Variants in GPC6 observed in about 807,000 individuals in gnomAD.
GPC6 encodes glypican-6.
Under a neutral mutation model 55.2 loss-of-function variants are expected in GPC6, and 14 were observed. The ratio of observed to expected loss-of-function variants is 0.25; its 90% CI spans 0.17 to 0.40. The LOEUF (loss-of-function observed/expected upper bound fraction) is 0.40. Ranked by LOEUF, GPC6 falls within the 10% of genes least tolerant of loss-of-function variation. The pLI is 1.00. For synonymous variants in GPC6, 278 were observed against 259.6 expected (o/e 1.07, Z -0.68); for missense variants, 641 against 708.5 (o/e 0.90, Z 1.08).
In GPC6 at chr13:93,431,881, G is replaced by A. The variant is rs115815914; in HGVS notation, c.161-113382G>A. Among the ~76,000 whole-genome samples the A allele has an allele frequency of 3.4e-3, 511 of 152,242 alleles. 6 individuals carry two copies. The highest frequency in any genetic ancestry group is 0.012 in the African/African-American group (483 of 41,556). On this transcript the variant is annotated intron_variant, in intron 1 of 8. Transcript: ENST00000377047. ...CTTGCTTCCCTTCCTGTAGATAAGA[G>A]ATATAAAACTTGTTTTTCTTGAATG...
At chr13:94,089,521 A>G (rs1885405254) in intron 4 of GPC6, among the ~76,000 whole-genome samples, 1 of 152,144 alleles carries the variant, frequency 6.6e-6, no homozygotes, top group Non-Finnish European at 1.5e-5. Flanking sequence ...ATACCTGGAC[A>G]AAGCCTATGT....
At chr13:93,712,402 G>A (rs1186013403) in intron 2 of GPC6, among the ~76,000 whole-genome samples, 2 of 151,802 alleles carry the variant, frequency 1.3e-5, no homozygotes, top group East Asian at 3.9e-4. Flanking sequence ...GCACGCATCA[G>A]TAGGGTGGGA....
chr13:93,366,450 T>G (rs1279456703), intron 1 of GPC6, among the ~76,000 whole-genome samples: 1 of 152,068 alleles, frequency 6.6e-6, no homozygotes, highest in South Asian at 2.1e-4. Flanking sequence ...TTGCAGATAA[T>G]GTAGAAGAGG....
At chr13:94,139,831 A>T (rs1887313307) in intron 4 of GPC6, among the ~76,000 whole-genome samples, 1 of 152,150 alleles carries the variant, frequency 6.6e-6, no homozygotes, top group African/African-American at 2.4e-5. Flanking sequence ...ATATCTGATC[A>T]TTCCACCAGC....
intron 1 of GPC6, among the ~76,000 whole-genome samples, chr13:93,328,980 T>C (rs1369893270): frequency 6.6e-6 from 1 of 152,152 alleles, no homozygotes; most frequent in Non-Finnish European, 1.5e-5. Flanking sequence ...TGATACCCTA[T>C]ATAGGTCAAA....
At chr13:94,221,655 G>A (rs183920783) in intron 4 of GPC6, among the ~76,000 whole-genome samples, 41 of 152,188 alleles carry the variant, frequency 2.7e-4, no homozygotes, top group Admixed American at 7.2e-4. Context: ...CTGTGTGTTT[G>A]ACTTGGAACT....
chr13:93,987,111 A>G (rs776734217), intron 3 of GPC6, among the ~76,000 whole-genome samples: 14 of 152,274 alleles, frequency 9.2e-5, no homozygotes, highest in Non-Finnish European at 1.8e-4. Flanking sequence ...ACGCTCTCTC[A>G]TGAGAATGTG....
chr13:94,046,727 G>A (rs1449860446), intron 4 of GPC6, among the ~76,000 whole-genome samples: 2 of 151,952 alleles, frequency 1.3e-5, no homozygotes, highest in African/African-American at 4.8e-5. Context: ...CTGCGTTTGT[G>A]TGTCTATATG....
In GPC6 at chr13:93,604,827, A is replaced by G. The variant is rs1878173056; in HGVS notation, c.319+59406A>G. On this transcript the variant is annotated intron_variant, in intron 2 of 8. Transcript: ENST00000377047. ...ACAGTATCCACCTCGTAACTGGTAGACATAAATACTTAGTAAAAGAGTGAG... is the reference window on the plus strand; with the variant it reads ...ACAGTATCCACCTCGTAACTGGTAGGCATAAATACTTAGTAAAAGAGTGAG... 2.3e-5 allele frequency among the ~76,000 whole-genome samples: 3 copies of G among 128,086 alleles called. 1 individual carries two copies. In the South Asian group the frequency reaches 6.8e-4, roughly 29 times the overall value. 84.0% of individuals were successfully genotyped at this position (128,086 alleles called of 152,430 possible).
intron 2 of GPC6, among the ~76,000 whole-genome samples, chr13:93,802,332 A>AAATC (rs1886401362): frequency 6.6e-6 from 1 of 151,858 alleles, no homozygotes; most frequent in Non-Finnish European, 1.5e-5. Context: ...TTTTGCTATC[A>AAATC]CTCAGACACT....
At chr13:93,867,842 G>A (rs368937822) in intron 3 of GPC6, among the ~76,000 whole-genome samples, 58 of 151,842 alleles carry the variant, frequency 3.8e-4, no homozygotes, top group Middle Eastern at 3.4e-3. Flanking sequence ...TCAGTCTCAC[G>A]CTTTTCTTCA....
At chr13:93,817,221 C>A (rs969047338) in intron 2 of GPC6, among the ~76,000 whole-genome samples, 1 of 152,110 alleles carries the variant, frequency 6.6e-6, no homozygotes, top group African/African-American at 2.4e-5. Context: ...GGACTGTTGA[C>A]AACATGAAAT....
chr13:93,618,895 C>G (rs549165463), intron 2 of GPC6, among the ~76,000 whole-genome samples: 1 of 152,090 alleles, frequency 6.6e-6, no homozygotes, highest in Admixed American at 6.6e-5. Context: ...GTGTGAACAT[C>G]GTTGAGTATA....
intron 3 of GPC6, among the ~76,000 whole-genome samples, chr13:93,998,000 A>G (rs1174237087): frequency 6.6e-6 from 1 of 152,156 alleles, no homozygotes; most frequent in East Asian, 1.9e-4. Flanking sequence ...TTCAGGTGTG[A>G]CCACATGACT....
At chr13:93,772,239 C>A (rs1885326145) in intron 2 of GPC6, among the ~76,000 whole-genome samples, 1 of 152,058 alleles carries the variant, frequency 6.6e-6, no homozygotes, top group Non-Finnish European at 1.5e-5. Flanking sequence ...ATTTTTTGTT[C>A]ATATCTATGA....
At chr13:93,469,622 A>T (rs1020609244) in intron 1 of GPC6, among the ~76,000 whole-genome samples, 2 of 152,124 alleles carry the variant, frequency 1.3e-5, no homozygotes, top group Non-Finnish European at 2.9e-5. Context: ...ATCAGCACCA[A>T]TGTTTGTTTA....
In GPC6 at chr13:94,014,249, C is replaced by T. The variant is rs74748897; in HGVS notation, c.712-13480C>T. Among the ~76,000 whole-genome samples the T allele has an allele frequency of 2.4e-4, 36 of 152,314 alleles. No homozygotes were observed. The East Asian group carries it at 6.9e-3, about 29-fold the overall frequency. On this transcript the variant is annotated intron_variant, in intron 3 of 8. Coordinates refer to ENST00000377047, the MANE Select transcript of GPC6 (RefSeq NM_005708.5). The stretch of plus-strand genomic sequence containing the variant: ...CATCTCCACCAACCACCATTAGCAA[C>T]AGCTGAAATCATAGGTGACTTCTCA...
intron 4 of GPC6, among the ~76,000 whole-genome samples, chr13:94,151,650 C>T (rs1244522942): frequency 6.6e-6 from 1 of 152,066 alleles, no homozygotes; most frequent in Non-Finnish European, 1.5e-5. Context: ...GAGTTGAGGG[C>T]CCTGTGATGG....
At chr13:93,953,883 T>C (rs1040832992) in intron 3 of GPC6, among the ~76,000 whole-genome samples, 2 of 152,232 alleles carry the variant, frequency 1.3e-5, no homozygotes, top group Non-Finnish European at 2.9e-5. Context: ...TGATATAGCA[T>C]ATATGGTTAT....
Sources: allele counts gnomAD v4.1 joint callset (sites outside exome capture counted in the v4.1 genomes callset), GRCh38; gene constraint gnomAD v4.1.1; transcripts MANE v1.5; gene names NCBI Gene and HGNC (gene_info 2026-07-23, HGNC 2026-07-21).